ASPRV1: variants seen among roughly 807,000 people sequenced by gnomAD.
ASPRV1 encodes the protein aspartic peptidase retroviral like 1.
A neutral mutation model predicts 11.0 loss-of-function variants in ASPRV1; 7 were observed. The ratio of observed to expected loss-of-function variants is 0.64; its 90% CI spans 0.36 to 1.20. The LOEUF (loss-of-function observed/expected upper bound fraction) is 1.20, where lower values mean the gene tolerates loss of function less well. Ranked by LOEUF, ASPRV1 falls within the 50% of genes most tolerant of loss-of-function variation. The probability of loss-of-function intolerance (pLI) is 0.02; values close to 1 mark genes in which losing one functional copy is unlikely to be tolerated. For missense variants in ASPRV1, 299 were observed against 320.0 expected (o/e 0.93, Z 0.50); for synonymous variants, 136 against 138.4 (o/e 0.98, Z 0.12).
chr2:70,043,784 A>G, the ASPRV1 span, among the ~76,000 whole-genome samples: 1 of 152,218 alleles, frequency 6.6e-6, no homozygotes, highest in Non-Finnish European at 1.5e-5. Flanking sequence ...AGTAAACCAC[A>G]GACCCAAAGG....
At chr2:70,027,160 A>ATGTGGGAGGACCACTTGAG in the ASPRV1 span, among the ~76,000 whole-genome samples, 3,653 of 147,444 alleles carry the variant, frequency 0.025, 339 homozygotes, top group Admixed American at 0.17. Context: ...CAGGAGGCTG[A>ATGTGGGAGGACCACTTGAG]TGTGGGAGGA....
At chr2:69,994,821 C>A in the ASPRV1 span, among the ~76,000 whole-genome samples, 1 of 150,782 alleles carries the variant, frequency 6.6e-6, no homozygotes, top group Non-Finnish European at 1.5e-5. Context: ...CACGGTGAAA[C>A]CCTGTCTCTA....
At chr2:70,080,700 G>A in the ASPRV1 span, among the ~76,000 whole-genome samples, 14 of 152,252 alleles carry the variant, frequency 9.2e-5, no homozygotes, top group East Asian at 2.7e-3. Flanking sequence ...CTGTGCTCTA[G>A]CAAGTATAGT....
chr2:70,027,718 T>C, the ASPRV1 span, among the ~76,000 whole-genome samples: 3 of 152,020 alleles, frequency 2.0e-5, no homozygotes, highest in Non-Finnish European at 4.4e-5. Flanking sequence ...TGATGAGAGG[T>C]TGGTTAATGG....
the ASPRV1 span, among the ~76,000 whole-genome samples, chr2:70,027,914 G>T: frequency 6.6e-6 from 1 of 152,172 alleles, no homozygotes; most frequent in Non-Finnish European, 1.5e-5. Context: ...ATTATACATT[G>T]TATGTATCAG....
At chr2:69,966,577 C>G (rs78171307), upstream of ASPRV1, among the ~76,000 whole-genome samples, 22 of 152,342 alleles carry the variant, frequency 1.4e-4, no homozygotes, top group East Asian at 4.2e-3. Flanking sequence ...GACAAACACC[C>G]CTGCAATTAG....
At chr2:70,012,672 GTAA>G in the ASPRV1 span, among the ~76,000 whole-genome samples, 1 of 152,082 alleles carries the variant, frequency 6.6e-6, no homozygotes, top group East Asian at 1.9e-4. Context: ...CCATGATAGA[GTAA>G]TAATTATTAA....
the ASPRV1 span, among the ~76,000 whole-genome samples, chr2:69,979,199 T>C: frequency 1.3e-5 from 2 of 152,164 alleles, no homozygotes; most frequent in African/African-American, 4.8e-5. Flanking sequence ...CACACCCAGC[T>C]AATTTTTGTA....
chr2:69,950,149 A>C, the ASPRV1 span, among the ~76,000 whole-genome samples: 1 of 152,292 alleles, frequency 6.6e-6, no homozygotes, highest in East Asian at 1.9e-4. Context: ...ATAAAACATA[A>C]AGGTGCTGTT....
At chr2:70,046,742 G>C in the ASPRV1 span, 3 of 152,132 alleles carry the variant, frequency 2.0e-5, no homozygotes, top group African/African-American at 7.2e-5. Context: ...GTGAAGTCTA[G>C]GGTGAGGGAA....
chr2:70,022,815 T>C, the ASPRV1 span, among the ~76,000 whole-genome samples: 1 of 151,932 alleles, frequency 6.6e-6, no homozygotes, highest in Non-Finnish European at 1.5e-5. Flanking sequence ...TCAAGACACA[T>C]AAACTAAATG....
the ASPRV1 span, among the ~76,000 whole-genome samples, chr2:70,076,925 G>A: frequency 6.6e-6 from 1 of 152,162 alleles, no homozygotes; most frequent in Non-Finnish European, 1.5e-5. Context: ...TATGGCTTTT[G>A]CATCATCGTA....
chr2:69,933,802 A>G, the ASPRV1 span, among the ~76,000 whole-genome samples: 1 of 152,178 alleles, frequency 6.6e-6, no homozygotes, highest in Non-Finnish European at 1.5e-5. Context: ...CTATATTTTC[A>G]ACTTTTGCTA....
At chr2:69,933,200 C>CAAAAAA in the ASPRV1 span, among the ~76,000 whole-genome samples, 12 of 80,148 alleles carry the variant, frequency 1.5e-4, no homozygotes, top group East Asian at 1.1e-3. Context: ...AACTCTGTCT[C>CAAAAAA]AAAAAAAAAA....
At chr2:70,077,843 G>A in the ASPRV1 span, among the ~76,000 whole-genome samples, 6 of 148,672 alleles carry the variant, frequency 4.0e-5, no homozygotes, top group African/African-American at 1.2e-4. Flanking sequence ...CAACAAGAGC[G>A]AAACTCTGTC....
chr2:70,008,121 C>A, the ASPRV1 span, among the ~76,000 whole-genome samples: 1 of 152,124 alleles, frequency 6.6e-6, no homozygotes, highest in Non-Finnish European at 1.5e-5. Flanking sequence ...TAGGCATGAG[C>A]CACCGTGCCC....
At chr2:69,978,754 T>C in the ASPRV1 span, among the ~76,000 whole-genome samples, 1 of 152,148 alleles carries the variant, frequency 6.6e-6, no homozygotes, top group African/African-American at 2.4e-5. Context: ...TAGCAGCCCG[T>C]GGACAGGAGA....
At chr2:70,027,047 T>C in the ASPRV1 span, among the ~76,000 whole-genome samples, 2 of 151,928 alleles carry the variant, frequency 1.3e-5, no homozygotes, top group African/African-American at 4.8e-5. Flanking sequence ...ATCCAGGATT[T>C]TCACAACAGC....
chr2:70,020,103 A>G, the ASPRV1 span, among the ~76,000 whole-genome samples: 4 of 151,888 alleles, frequency 2.6e-5, no homozygotes, highest in East Asian at 5.8e-4. Flanking sequence ...AAGTGTCGCA[A>G]CGATATGGGG....
Sources: gnomAD v4.1 joint callset for allele counts (sites outside exome capture counted in the v4.1 genomes callset) on GRCh38, gnomAD v4.1.1 for gene constraint, MANE v1.5 for transcripts, NCBI Gene and HGNC (gene_info 2026-07-23, HGNC 2026-07-21) for gene names.